Variants in MYH8 observed in about 807,000 individuals in gnomAD.
MYH8 encodes the protein myosin-8.
MYH8 carries 168 observed loss-of-function variants against 233.2 expected under a neutral mutation model. The observed-to-expected ratio is 0.72, with a 90% CI of 0.64 to 0.82. The LOEUF is 0.82. Among genes scored for constraint, MYH8 ranks in the 40% least tolerant of loss-of-function variants. MYH8 has a pLI of 0.00. For missense variants in MYH8, 1,995 were observed against 2,327.8 expected, an observed-to-expected ratio of 0.86 and a Z score of 2.94; for synonymous variants, 785 against 850.6, an observed-to-expected ratio of 0.92 and a Z score of 1.34.
chr17:10,408,469 G>A (rs2072215339), intron 17 of MYH8, among the ~76,000 whole-genome samples: 1 of 152,124 alleles, frequency 6.6e-6, no homozygotes, highest in African/African-American at 2.4e-5. Context: ...TAAGGAATGA[G>A]ACTTAGCCAT....
chr17:10,420,374 C>T, intron 2 of MYH8, 117 bp from the exon 3 acceptor site: 3 of 905,386 alleles, frequency 3.3e-6, no homozygotes, highest in East Asian at 2.6e-5. Context: ...TTCCTCCAAA[C>T]TGGCACTCCC....
rs750967958 is a variant in MYH8 at position 10,412,605 on chromosome 17, C to T, written c.1266+5G>A. 2.5e-6 allele frequency: 4 copies of T among 1,614,098 alleles called. No individual in the cohort carries two copies. The South Asian group carries it at 3.3e-5, about 13-fold the overall frequency. ...GTGTGTGATTCATTGAGGTCATGCA[C>T]TTACCTGCTGCACAGTCTGGCCTTT... On this transcript the variant is annotated splice_donor_5th_base_variant and intron_variant, in intron 13 of 39. Coordinates refer to ENST00000403437, the MANE Select transcript of MYH8 (RefSeq NM_002472.3).
Position 10,418,634 on chromosome 17 carries a change from C to T in MYH8, c.511+11G>A, listed in dbSNP as rs775043246. On this transcript the variant is annotated intron_variant, in intron 5 of 39. Transcript: ENST00000403437. ...TACACATTTCTGTAAATAGATGCCT[C>T]ACTCACTCACCAGTCAACATGAACT... 1.7e-5 allele frequency: 28 copies of T among 1,613,832 alleles called. No homozygotes were observed. The highest frequency in any genetic ancestry group is 2.3e-5 in the Non-Finnish European group (27 of 1,179,866).
chr17:10,406,947 C>A lies in MYH8; in HGVS notation c.1998G>T (p.Arg666Ser). ...ACCGTACGAAGTGAGGGTGTGTGCTCCTCAGATTCGTCATCAATTTATTTA... is the reference window on the plus strand; with the variant it reads ...ACCGTACGAAGTGAGGGTGTGTGCTACTCAGATTCGTCATCAATTTATTTA... ...ENLNKLMTNL[R>S]STHPHFVRCI... is the part of the protein sequence containing the mutation. The change falls in exon 18 of 40, where the codon AGG becomes AGT. Residue 666 changes from arginine to serine, a missense_variant. Physicochemically the swap from Arg to Ser is moderately radical, Grantham distance 110. Transcript: ENST00000403437. 2 of 1,613,962 alleles carry A rather than the reference C, an allele frequency of 1.2e-6. No homozygotes were observed. Among genetic ancestry groups the A allele is most frequent in the Non-Finnish European group, 1.7e-6 (2 of 1,179,926 alleles).
At chr17:10,393,440 C>T (rs1449364097) in intron 35 of MYH8, among the ~76,000 whole-genome samples, 1 of 152,116 alleles carries the variant, frequency 6.6e-6, no homozygotes, top group African/African-American at 2.4e-5. Flanking sequence ...TTTGAGAATG[C>T]CTTTATTGGC....
In MYH8 at chr17:10,419,172, C is replaced by T. The variant is rs1190828399; in HGVS notation, c.211-142G>A. 6.8e-6 allele frequency: 7 copies of T among 1,024,178 alleles called. No homozygotes were observed. The highest frequency in any genetic ancestry group is 1.0e-5 in the Non-Finnish European group (7 of 673,426). The allele number at this position is 1,024,178 out of a possible 1,614,324, so 63.4% of individuals were successfully genotyped here. ...CTCCTGCTTCAAGTGATTGTCCTGCCTCAGCCTTCTGAGTAGCTGGGATTG... is the reference window on the plus strand; with the variant it reads ...CTCCTGCTTCAAGTGATTGTCCTGCTTCAGCCTTCTGAGTAGCTGGGATTG... On this transcript the variant is annotated intron_variant, in intron 3 of 39. Transcript: ENST00000403437. The surrounding 1 kb of genome is among the most constrained non-coding windows in gnomAD (Gnocchi z 4.0).
At position 10,404,578 on chromosome 17, in the gene MYH8, G is replaced by A. The variant is rs745650365; in HGVS notation, c.2440C>T (p.Leu814Phe). Reference sequence around the variant, plus strand: ...CGGACATTATACTGGATGCAGAAAAGTGCTTCTCTGCGATGACATGAAAAT... The same window carrying A: ...CGGACATTATACTGGATGCAGAAAAATGCTTCTCTGCGATGACATGAAAAT... ...YQKMLQRREA[L>F]FCIQYNVRAF... Residue 814 changes from leucine to phenylalanine, a missense_variant, in exon 22 of 40, where the codon CTT becomes TTT. Coordinates refer to ENST00000403437, the MANE Select transcript of MYH8 (RefSeq NM_002472.3). 10 of 1,613,778 alleles carry A rather than the reference G, an allele frequency of 6.2e-6. No individual in the cohort carries two copies. The South Asian group carries it at 1.1e-4, about 18-fold the overall frequency.
At chr17:10,405,987 T>A in intron 21 of MYH8, 54 bp downstream of exon 21, 1 of 1,597,152 alleles carries the variant, frequency 6.3e-7, no homozygotes, top group Non-Finnish European at 8.6e-7. Context: ...TGAACAAGAC[T>A]GATTGATAGT....
In MYH8 at chr17:10,398,565, C is replaced by G. The variant is rs71358299; in HGVS notation, c.4057G>C (p.Glu1353Gln). 4.8e-5 allele frequency: 77 copies of G among 1,614,074 alleles called. No homozygotes were observed. Among genetic ancestry groups the G allele is most frequent in the Non-Finnish European group, 6.2e-5 (73 of 1,180,026 alleles). ...TGCAGCTCAGCTTTGCCTTCCTGCT[C>G]TTCCTCATACTGTTCCCGCAGCAGG... ...CDLLREQYEE[E>Q]QEGKAELQRA... is the part of the protein sequence containing the mutation. The change falls in exon 30 of 40, where the codon GAG becomes CAG. Residue 1353 changes from glutamate to glutamine, a missense_variant. Coordinates refer to ENST00000403437, the MANE Select transcript of MYH8 (RefSeq NM_002472.3).
At chr17:10,405,957 C>T in intron 21 of MYH8, 84 bp downstream of exon 21, 3 of 1,541,120 alleles carry the variant, frequency 1.9e-6, no homozygotes, top group Non-Finnish European at 2.7e-6. Flanking sequence ...TATTAGCCAC[C>T]AAATGAAAGA....
In MYH8 at chr17:10,415,188, G is replaced by T. The variant is rs371549953; in HGVS notation, c.742-9C>A. The T allele has an allele frequency of 5.2e-5, 84 of 1,611,020 alleles. No homozygotes were observed. The highest frequency in any genetic ancestry group is 6.7e-5 in the Non-Finnish European group (79 of 1,177,294). On this transcript the variant is annotated splice_polypyrimidine_tract_variant and intron_variant, in intron 8 of 39. Transcript: ENST00000403437. This position sits in a 1 kb window ranked among gnomAD's most constrained non-coding sequence, Gnocchi z 4.1. ...ATTCTAATGAATTTACCCTTGAAAA[G>T]AATATTTAGTATTAGAAAACTGAAA...
chr17:10,411,104 C>T (rs189654649), intron 14 of MYH8, among the ~76,000 whole-genome samples, 157 bp from the exon 15 acceptor site: 9 of 152,268 alleles, frequency 5.9e-5, no homozygotes, highest in African/African-American at 1.7e-4. Context: ...TGGCCGGGCA[C>T]GGTGGCTCAC....
rs2072077310 is a variant in MYH8, at chr17:10,396,270, C to A, written c.4653+60G>T. ...TGAGTTTAAATTATCACTAGCCCCA[C>A]TTTTTTTTAACTGATGTTTGTCTTT... On this transcript the variant is annotated intron_variant, in intron 33 of 39. Coordinates refer to ENST00000403437, the MANE Select transcript of MYH8 (RefSeq NM_002472.3). This position sits in a 1 kb window ranked among gnomAD's most constrained non-coding sequence, Gnocchi z 4.2. The A allele has an allele frequency of 6.3e-7, 1 of 1,591,426 alleles. No homozygotes were observed. The highest frequency in any genetic ancestry group is 8.6e-7 in the Non-Finnish European group (1 of 1,165,804).
chr17:10,396,777 CT>C lies in MYH8; in HGVS notation c.4362+25del. ...AGAAAGGAAGACCGAGTAAAACACT[CT>C]TAAAGTTTAAGCAGTCTGGGCCACC... On this transcript the variant is annotated intron_variant, in intron 31 of 39. Transcript: ENST00000403437. The surrounding 1 kb of genome is among the most constrained non-coding windows in gnomAD (Gnocchi z 4.2). The C allele has an allele frequency of 6.2e-7, 1 of 1,614,204 alleles. No individual in the cohort carries two copies. Among genetic ancestry groups the C allele is most frequent in the Non-Finnish European group, 8.5e-7 (1 of 1,180,042 alleles).
At position 10,404,590 on chromosome 17, in the gene MYH8, G is replaced by A. The variant is rs768005442; in HGVS notation, c.2433-5C>T. On this transcript the variant is annotated splice_region_variant and splice_polypyrimidine_tract_variant and intron_variant, in intron 21 of 39. Coordinates refer to ENST00000403437, the MANE Select transcript of MYH8 (RefSeq NM_002472.3). ...TGGATGCAGAAAAGTGCTTCTCTGC[G>A]ATGACATGAAAATATCAGTGTAGAC... is the stretch of plus-strand genomic sequence containing the variant. The A allele has an allele frequency of 4.3e-6, 7 of 1,613,664 alleles. No homozygotes were observed. The highest frequency in any genetic ancestry group is 1.3e-5 in the African/African-American group (1 of 74,864).
In MYH8 at chr17:10,412,054, C is replaced by T. The variant is rs562492832; in HGVS notation, c.1416+316G>A. Among the ~76,000 whole-genome samples the T allele has an allele frequency of 8.5e-5, 13 of 152,232 alleles. No homozygotes were observed. The East Asian group carries it at 2.3e-3, about 27-fold the overall frequency. ...GATTTGTCTTATGCACCTGTGGGAT[C>T]TTTAGCTAGTGTTTTGATTTCCCTG... On this transcript the variant is annotated intron_variant, in intron 14 of 39. Transcript: ENST00000403437.
chr17:10,405,850 G>A (rs2072187435), intron 21 of MYH8, among the ~76,000 whole-genome samples, 191 bp downstream of exon 21: 1 of 152,230 alleles, frequency 6.6e-6, no homozygotes, highest in Non-Finnish European at 1.5e-5. Context: ...TGAGATGGCT[G>A]GAGGTAGGAG....
intron 30 of MYH8, among the ~76,000 whole-genome samples, chr17:10,397,704 A>G (rs1345311177): frequency 6.6e-6 from 1 of 152,180 alleles, no homozygotes; most frequent in Non-Finnish European, 1.5e-5. Flanking sequence ...GGTTAACTAG[A>G]TATTTTACTG....
intron 2 of MYH8, among the ~76,000 whole-genome samples, 165 bp downstream of exon 2, chr17:10,421,498 C>T (rs1042090373): frequency 3.9e-5 from 6 of 152,090 alleles, no homozygotes; most frequent in African/African-American, 9.7e-5. Context: ...GAGAAGAAGA[C>T]ATTTTGAAAA....
Sources: gnomAD v4.1 joint callset for allele counts (sites outside exome capture counted in the v4.1 genomes callset) on GRCh38, gnomAD v4.1.1 for gene constraint, Gnocchi (gnomAD v3.1) non-coding constraint, MANE v1.5 for transcripts, NCBI Gene and HGNC (gene_info 2026-07-23, HGNC 2026-07-21) for gene names.